Variants in AFF1 observed in about 807,000 individuals in gnomAD.
The protein encoded by AFF1 is ALF transcription elongation factor 1.
Under a neutral mutation model 121.7 loss-of-function variants are expected in AFF1, and 48 were observed. The observed-to-expected ratio is 0.39, with a 90% CI of 0.31 to 0.50. The LOEUF (loss-of-function observed/expected upper bound fraction) is 0.50, where lower values mean the gene tolerates loss of function less well. Among genes scored for constraint, AFF1 ranks in the 20% least tolerant of loss-of-function variants. The pLI is 0.76. For synonymous variants in AFF1, 613 were observed against 563.0 expected (o/e 1.09, Z -1.26); for missense variants, 1,523 against 1,511.7 (o/e 1.01, Z -0.12).
intron 4 of AFF1, among the ~76,000 whole-genome samples, chr4:87,055,515 CT>C (rs753450558): frequency 1.2e-4 from 19 of 152,310 alleles, no homozygotes; most frequent in East Asian, 1.9e-4. Context: ...TTGGATCCCC[CT>C]GAGTCTCTCC....
At chr4:87,110,727 T>G (rs1726410146) in intron 11 of AFF1, among the ~76,000 whole-genome samples, 1 of 146,036 alleles carries the variant, frequency 6.8e-6, no homozygotes, top group African/African-American at 2.4e-5. Flanking sequence ...AGCTCAAAAC[T>G]TCTTAATTCA....
chr4:87,111,263 C>T lies in AFF1; in HGVS notation c.1533+2948C>T, dbSNP rs1166690103. On this transcript the variant is annotated intron_variant, in intron 11 of 20. Coordinates refer to ENST00000395146, the MANE Select transcript of AFF1 (RefSeq NM_001166693.3). The stretch of plus-strand genomic sequence containing the variant: ...CGATCTCCTGACCTCGTGATCCGCC[C>T]GCCTCGGCCTCCCAAAGTGCTGGGA... Among the ~76,000 whole-genome samples, 6 of 28,772 alleles carry T rather than the reference C, an allele frequency of 2.1e-4. 2 individuals carry two copies. The highest frequency in any genetic ancestry group is 5.3e-4 in the Non-Finnish European group (6 of 11,268). 18.9% of individuals were successfully genotyped at this position (28,772 alleles called of 152,430 possible). A position where few individuals can be genotyped will look rare whatever the true frequency, so the allele number is the denominator to read the frequency against.
intron 4 of AFF1, among the ~76,000 whole-genome samples, chr4:87,053,357 A>G (rs1464153364): frequency 6.6e-6 from 1 of 152,330 alleles, no homozygotes; most frequent in East Asian, 1.9e-4. Flanking sequence ...GATTCATTGC[A>G]GCTCTTAAAT....
intron 6 of AFF1, 127 bp from the exon 7 acceptor site, chr4:87,091,666 T>C (rs1030627291): frequency 4.6e-6 from 3 of 649,582 alleles, no homozygotes; most frequent in Non-Finnish European, 7.9e-6. Context: ...TCTACACTGT[T>C]TCCATTTTTC....
intron 2 of AFF1, among the ~76,000 whole-genome samples, chr4:86,956,548 T>A (rs1294350135): frequency 6.6e-6 from 1 of 152,238 alleles, no homozygotes; most frequent in African/African-American, 2.4e-5. Flanking sequence ...AATCCAGCTT[T>A]AGAACATTTT....
At chr4:87,007,624 C>T (rs1726298184) in intron 2 of AFF1, among the ~76,000 whole-genome samples, 2 of 152,128 alleles carry the variant, frequency 1.3e-5, no homozygotes, top group Admixed American at 6.5e-5. Context: ...TTCTGCACAG[C>T]GGAGAGAGGG....
intron 14 of AFF1, 82 bp from the exon 15 acceptor site, chr4:87,126,944 G>T: frequency 8.5e-7 from 1 of 1,179,706 alleles, no homozygotes; most frequent in Non-Finnish European, 1.2e-6. Flanking sequence ...TACTATTTCG[G>T]GCTATTTAAG....
Position 87,132,347 on chromosome 4 carries a change from C to T in AFF1, c.3250C>T (p.Leu1084Phe). The stretch of plus-strand genomic sequence containing the variant: ...CATAGCAATAAAGTATTCTCGTACT[C>T]TTAATAAACACTTCGAGAGTTCTTC... Reference protein sequence around the residue: ...KDIAIKYSRTLNKHFESSSKV... With the variant: ...KDIAIKYSRTFNKHFESSSKV... Residue 1084 changes from leucine (L) to phenylalanine (F), a missense_variant, in exon 19 of 21, where the codon CTT becomes TTT. This residue lies in a region of AFF1 where 241 missense variants were observed against 265.2 expected (regional missense o/e 0.91). Transcript: ENST00000395146. 6.2e-7 allele frequency: 1 copy of T among 1,613,406 alleles called. No individual in the cohort carries two copies. Among genetic ancestry groups the T allele is most frequent in the Non-Finnish European group, 8.5e-7 (1 of 1,179,820 alleles).
intron 5 of AFF1, 121 bp from the exon 6 acceptor site, chr4:87,089,863 C>T (rs1724122022): frequency 3.5e-6 from 2 of 566,878 alleles, no homozygotes; most frequent in Non-Finnish European, 5.9e-6. Context: ...CATGAAATAA[C>T]TTTTAAGATT....
chr4:87,008,755 C>G (rs1035087203), intron 2 of AFF1, among the ~76,000 whole-genome samples: 1 of 151,964 alleles, frequency 6.6e-6, no homozygotes, highest in African/African-American at 2.4e-5. Flanking sequence ...CTTTTGTGCT[C>G]TCCACTCAGG....
chr4:87,123,464 T>G (rs1382763438), intron 12 of AFF1, among the ~76,000 whole-genome samples: 6 of 152,220 alleles, frequency 3.9e-5, no homozygotes, highest in Non-Finnish European at 2.9e-5. Context: ...CTTAATTTAT[T>G]TCTTCCTCCT....
chr4:87,007,482 TTGCGGGGGAGGGCAGGG>T, intron 2 of AFF1: 1 of 1,611,100 alleles, frequency 6.2e-7, no homozygotes, highest in Non-Finnish European at 8.5e-7. Flanking sequence ...GAGCTGAAGG[TTGCGGGGGAGGGCAGGG>T]TGCGGGGAAG....
chr4:86,967,974 A>G (rs1722651586), intron 2 of AFF1, among the ~76,000 whole-genome samples: 1 of 152,214 alleles, frequency 6.6e-6, no homozygotes, highest in Non-Finnish European at 1.5e-5. Flanking sequence ...AACTTGAACT[A>G]CGTAGCAACT....
chr4:87,042,652 A>G (rs576227500), intron 2 of AFF1, among the ~76,000 whole-genome samples: 1 of 152,366 alleles, frequency 6.6e-6, no homozygotes, highest in Admixed American at 6.5e-5. Flanking sequence ...GTGTAGAATT[A>G]CATGTCTGCC....
At chr4:86,966,574 CCAAGATGGCTCA>C (rs1294115586) in intron 2 of AFF1, among the ~76,000 whole-genome samples, 1 of 132,242 alleles carries the variant, frequency 7.6e-6, no homozygotes, top group Non-Finnish European at 1.6e-5. Flanking sequence ...GATATTTGCT[CCAAGATGGCTCA>C]CAGGAAAAAA....
rs1357675909 is a variant in AFF1, at chr4:87,114,957, T to C, written c.2124T>C (p.Phe708=). The C allele has an allele frequency of 8.7e-6, 14 of 1,613,148 alleles. 1 individual carries two copies. Among genetic ancestry groups the C allele is most frequent in the Middle Eastern group, 1.7e-4 (1 of 6,054 alleles). Residue 708 remains phenylalanine, a synonymous_variant, in exon 12 of 21, where the codon TTT becomes TTC. Coordinates refer to ENST00000395146, the MANE Select transcript of AFF1 (RefSeq NM_001166693.3). ...TGGAGGACAGGACCCCTGAGCACTT[T>C]GCTCTTGTTCCCCTGACTGAGAGCC... is the stretch of plus-strand genomic sequence containing the variant. ...DNVEDRTPEH[F]ALVPLTESQG...
intron 2 of AFF1, among the ~76,000 whole-genome samples, chr4:87,015,414 G>C (rs570511775): frequency 6.6e-6 from 1 of 152,148 alleles, no homozygotes; most frequent in Non-Finnish European, 1.5e-5. Context: ...ACATAATTGA[G>C]GTTTTGCAAC....
chr4:86,942,798 A>T (rs562824471), intron 1 of AFF1, among the ~76,000 whole-genome samples: 2 of 152,370 alleles, frequency 1.3e-5, no homozygotes, highest in East Asian at 3.9e-4. Context: ...GACCATGGCA[A>T]GCATGAAGAC....
intron 2 of AFF1, among the ~76,000 whole-genome samples, chr4:86,997,899 C>G (rs1169394771): frequency 6.6e-6 from 1 of 152,070 alleles, no homozygotes; most frequent in Non-Finnish European, 1.5e-5. Context: ...GGACTCCAGA[C>G]CAGCCTGGCC....
Sources: allele counts gnomAD v4.1 joint callset (sites outside exome capture counted in the v4.1 genomes callset), GRCh38; gene constraint gnomAD v4.1.1; regional missense constraint gnomAD v4.1.1; transcripts MANE v1.5; gene names NCBI Gene and HGNC (gene_info 2026-07-23, HGNC 2026-07-21).